Variants in TFEC observed in about 807,000 individuals in gnomAD.
The protein encoded by TFEC is transcription factor EC.
TFEC carries 31 observed loss-of-function variants against 41.6 expected under a neutral mutation model. That is an observed-to-expected ratio of 0.74 (90% confidence interval 0.56 to 1.01). The LOEUF is 1.01. Ranked by LOEUF, TFEC falls within the 50% of genes least tolerant of loss-of-function variation. TFEC has a pLI of 0.00. For synonymous variants in TFEC, 143 were observed against 140.6 expected, an observed-to-expected ratio of 1.02 and a Z score of -0.12; for missense variants, 402 against 404.1, an observed-to-expected ratio of 0.99 and a Z score of 0.04.
rs961097502 is a variant in TFEC at position 115,971,576 on chromosome 7, A to G, written c.267+2594T>C. On this transcript the variant is annotated intron_variant, in intron 3 of 7. Transcript: ENST00000265440. ...AAAGCCTTCTCTTTCTTGAAATTAC[A>G]GACTGAAGAAAACTTCCAAGCAGGT... 3.9e-5 allele frequency among the ~76,000 whole-genome samples: 6 copies of G among 152,088 alleles called. No individual in the cohort carries two copies. The East Asian group carries it at 1.2e-3, about 30-fold the overall frequency.
chr7:116,099,033 C>T (rs1797542121), intron 3 of TFEC, among the ~76,000 whole-genome samples: 1 of 152,018 alleles, frequency 6.6e-6, no homozygotes, highest in South Asian at 2.1e-4. Flanking sequence ...TACATGATAC[C>T]AAAAGCACAA....
intron 3 of TFEC, among the ~76,000 whole-genome samples, chr7:115,972,915 C>T (rs376254163): frequency 6.6e-6 from 1 of 151,962 alleles, no homozygotes; most frequent in Admixed American, 6.6e-5. Flanking sequence ...ATCATTTCCT[C>T]AAGCTCAGAA....
intron 1 of TFEC, among the ~76,000 whole-genome samples, chr7:116,016,086 G>T (rs1584700853): frequency 6.6e-6 from 1 of 152,180 alleles, no homozygotes. Context: ...ATTACACAAG[G>T]AAAGTCAAGA....
intron 1 of TFEC, among the ~76,000 whole-genome samples, chr7:115,985,994 T>C (rs771931960): frequency 1.3e-5 from 2 of 152,160 alleles, no homozygotes; most frequent in Non-Finnish European, 2.9e-5. Flanking sequence ...AATTGGGAAA[T>C]AGCTCTTGTT....
intron 3 of TFEC, among the ~76,000 whole-genome samples, chr7:116,061,895 C>G (rs1436502307): frequency 2.6e-5 from 4 of 152,024 alleles, no homozygotes; most frequent in African/African-American, 9.7e-5. Flanking sequence ...CAACTACACA[C>G]CTAGATATTT....
At chr7:116,104,189 T>C (rs2116000816) in intron 3 of TFEC, among the ~76,000 whole-genome samples, 1 of 152,268 alleles carries the variant, frequency 6.6e-6, no homozygotes, top group African/African-American at 2.4e-5. Flanking sequence ...AATGTAGGTA[T>C]TGATTAATAA....
intron 3 of TFEC, among the ~76,000 whole-genome samples, chr7:116,065,236 C>A (rs1796667029): frequency 6.6e-6 from 1 of 152,124 alleles, no homozygotes; most frequent in South Asian, 2.1e-4. Context: ...CCCAGCCATG[C>A]TACCAAGATT....
intron 1 of TFEC, among the ~76,000 whole-genome samples, chr7:116,130,084 A>T (rs891283184): frequency 9.0e-5 from 13 of 144,288 alleles, no homozygotes; most frequent in Non-Finnish European, 1.4e-4. Flanking sequence ...ACACACACAC[A>T]CTCTTACTTG....
intron 1 of TFEC, among the ~76,000 whole-genome samples, chr7:116,003,584 G>A (rs1794680282): frequency 6.6e-6 from 1 of 151,954 alleles, no homozygotes; most frequent in African/African-American, 2.4e-5. Flanking sequence ...GAATCCGACA[G>A]GCAGAAAATC....
chr7:116,047,157 AG>A lies in TFEC; in HGVS notation c.199-62645del, dbSNP rs568679616. Reference sequence around the variant, plus strand: ...AACTGAGGTACCAGGTTCATCTCACAGGGGCTTGTCAGACAGTGGGTGTAGC... The same window carrying A: ...AACTGAGGTACCAGGTTCATCTCACAGGGCTTGTCAGACAGTGGGTGTAGC... On this transcript the variant is annotated intron_variant, in intron 3 of 8. Transcript: ENST00000484212. Among the ~76,000 whole-genome samples the A allele has an allele frequency of 2.4e-4, 36 of 152,288 alleles. 2 individuals are homozygous for A. In the South Asian group the frequency reaches 6.2e-3, roughly 26 times the overall value.
chr7:116,130,340 A>G (rs1376256553), intron 1 of TFEC, among the ~76,000 whole-genome samples: 1 of 152,216 alleles, frequency 6.6e-6, no homozygotes, highest in Non-Finnish European at 1.5e-5. Flanking sequence ...TTATGGCAGC[A>G]TGACAAATAT....
chr7:116,142,555 A>C (rs1798563098), intron 1 of TFEC, among the ~76,000 whole-genome samples: 1 of 152,182 alleles, frequency 6.6e-6, no homozygotes, highest in South Asian at 2.1e-4. Context: ...ATTGAAACTT[A>C]GAGAAGTCAA....
At chr7:115,989,481 A>C (rs536125612) in intron 1 of TFEC, among the ~76,000 whole-genome samples, 1 of 152,194 alleles carries the variant, frequency 6.6e-6, no homozygotes, top group African/African-American at 2.4e-5. Context: ...GGGTCGGGGA[A>C]TTCTCTTTCC....
chr7:115,939,710 C>A lies in TFEC; in HGVS notation c.*841G>T, dbSNP rs1793392686. ...AGAAAAGAGAATTTGGAATGTGATTCTGATGCAGTCAGAAGCATGAAGAAA... is the reference window on the plus strand; with the variant it reads ...AGAAAAGAGAATTTGGAATGTGATTATGATGCAGTCAGAAGCATGAAGAAA... On this transcript the variant is annotated 3_prime_UTR_variant, in exon 8 of 8. Coordinates refer to ENST00000265440, the MANE Select transcript of TFEC (RefSeq NM_012252.4). 1 of 151,940 alleles carries A rather than the reference C, an allele frequency of 6.6e-6. No individual in the cohort carries two copies. Among genetic ancestry groups the A allele is most frequent in the Non-Finnish European group, 1.5e-5 (1 of 67,946 alleles). 9.4% of individuals were successfully genotyped at this position (151,940 alleles called of 1,614,324 possible). A position where few individuals can be genotyped will look rare whatever the true frequency, so the allele number is the denominator to read the frequency against.
intron 3 of TFEC, among the ~76,000 whole-genome samples, chr7:116,106,166 T>C (rs1797712576): frequency 6.6e-6 from 1 of 152,144 alleles, no homozygotes; most frequent in Non-Finnish European, 1.5e-5. Flanking sequence ...ATATCTCTTA[T>C]TTTAAATACT....
In TFEC at chr7:116,116,643, G is replaced by T. The variant is rs1016728099; in HGVS notation, c.-68-4605C>A. Among the ~76,000 whole-genome samples, 7 of 151,902 alleles carry T rather than the reference G, an allele frequency of 4.6e-5. No homozygotes were observed. In the East Asian group the frequency reaches 1.4e-3, roughly 29 times the overall value. ...TTACTGACCATCTTCAGTGCACAGTGCCTGTAAGGCCCCTTACAACTCTAA... is the reference window on the plus strand; with the variant it reads ...TTACTGACCATCTTCAGTGCACAGTTCCTGTAAGGCCCCTTACAACTCTAA... On this transcript the variant is annotated intron_variant, in intron 1 of 8. Coordinates refer to the TFEC transcript ENST00000484212.
intron 3 of TFEC, among the ~76,000 whole-genome samples, chr7:115,971,473 T>C (rs1793130982): frequency 6.6e-6 from 1 of 152,042 alleles, no homozygotes; most frequent in South Asian, 2.1e-4. Flanking sequence ...CCTTTGTTTC[T>C]TTTGTTTTTC....
chr7:116,033,040 A>C (rs1795825341), upstream of TFEC, among the ~76,000 whole-genome samples: 1 of 151,938 alleles, frequency 6.6e-6, no homozygotes, highest in South Asian at 2.1e-4. Flanking sequence ...TTCTGTCTTT[A>C]CCTGATTGAT....
At chr7:116,153,934 A>G (rs1425762207) in intron 1 of TFEC, among the ~76,000 whole-genome samples, 2 of 152,210 alleles carry the variant, frequency 1.3e-5, no homozygotes, top group Non-Finnish European at 2.9e-5. Flanking sequence ...AGAAAAAGGA[A>G]GAAAACAGAA....
Sources: gnomAD v4.1 joint callset for allele counts (sites outside exome capture counted in the v4.1 genomes callset) on GRCh38, gnomAD v4.1.1 for gene constraint, MANE v1.5 for transcripts, NCBI Gene and HGNC (gene_info 2026-07-23, HGNC 2026-07-21) for gene names.